Variants in NRXN3 observed in about 807,000 individuals in gnomAD.
The protein encoded by NRXN3 is neurexin III.
In NRXN3, 32 loss-of-function variants were observed where a neutral mutation model predicts 137.6. That is an observed-to-expected ratio of 0.23 (90% confidence interval 0.18 to 0.31). The LOEUF (loss-of-function observed/expected upper bound fraction) is 0.31. Among genes scored for constraint, NRXN3 ranks in the 10% least tolerant of loss-of-function variants. NRXN3 has a pLI of 1.00. For synonymous variants in NRXN3, 798 were observed against 784.5 expected (o/e 1.02, Z -0.29); for missense variants, 1,574 against 2,062.5 (o/e 0.76, Z 4.59).
intron 16 of NRXN3, among the ~76,000 whole-genome samples, chr14:79,484,221 AG>A (rs2096635039): frequency 6.6e-6 from 1 of 152,126 alleles, no homozygotes; most frequent in Non-Finnish European, 1.5e-5. Context: ...GCAGAAACAA[AG>A]GCTTTTCTTT....
chr14:79,362,519 GA>G (rs1342535488), intron 15 of NRXN3, among the ~76,000 whole-genome samples: 8 of 152,042 alleles, frequency 5.3e-5, no homozygotes, highest in African/African-American at 1.7e-4. Flanking sequence ...AATTCTGCAG[GA>G]AAAAAACTGA....
intron 10 of NRXN3, among the ~76,000 whole-genome samples, chr14:78,915,068 A>G (rs899851776): frequency 1.3e-5 from 2 of 152,130 alleles, no homozygotes; most frequent in Non-Finnish European, 2.9e-5. Context: ...TTAATGGAAA[A>G]GGAAATCTCA....
intron 15 of NRXN3, among the ~76,000 whole-genome samples, chr14:79,161,217 A>T (rs1462827604): frequency 6.6e-6 from 1 of 151,858 alleles, no homozygotes; most frequent in Non-Finnish European, 1.5e-5. Flanking sequence ...AAGTGGGGAA[A>T]ATTTCAAAAT....
In NRXN3 at chr14:78,727,432, T is replaced by C. The variant is rs182364092; in HGVS notation, c.2044+12293T>C. Among the ~76,000 whole-genome samples, 519 of 152,294 alleles carry C rather than the reference T, an allele frequency of 3.4e-3. 3 individuals are homozygous for C. The highest frequency in any genetic ancestry group is 5.3e-3 in the Non-Finnish European group (363 of 68,014). On this transcript the variant is annotated intron_variant, in intron 8 of 20. Coordinates refer to ENST00000335750, the MANE Select transcript of NRXN3 (RefSeq NM_001330195.2). Reference sequence around the variant, plus strand: ...GGTGGTGGTGGGGTGAGTGCTTTTGTTAGTTTCTTATCCTGTAAAAATGCT... The same window carrying C: ...GGTGGTGGTGGGGTGAGTGCTTTTGCTAGTTTCTTATCCTGTAAAAATGCT...
chr14:78,327,958 C>A (rs903477169), intron 4 of NRXN3, among the ~76,000 whole-genome samples: 2 of 121,422 alleles, frequency 1.6e-5, no homozygotes, highest in African/African-American at 6.3e-5. Flanking sequence ...ACATCAGCAA[C>A]AATGTGTATG....
chr14:79,548,752 AAAAAAAAAAC>A lies in NRXN3; in HGVS notation c.3444+81359_3444+81368del, dbSNP rs1357965987. Among the ~76,000 whole-genome samples, 129 of 152,000 alleles carry A rather than the reference AAAAAAAAAAC, an allele frequency of 8.5e-4. 1 individual carries two copies. The highest frequency in any genetic ancestry group is 3.1e-3 in the African/African-American group (127 of 41,436). On this transcript the variant is annotated intron_variant, in intron 16 of 20. Transcript: ENST00000335750. Reference sequence around the variant, plus strand: ...GATACAGTACATTTAAAGATTAAAAAAAAAAAAAACAAAAAAAATCATGTTCCCTAAACAC... The same window carrying A: ...GATACAGTACATTTAAAGATTAAAAAAAAAAAAATCATGTTCCCTAAACAC...
intron 15 of NRXN3, among the ~76,000 whole-genome samples, chr14:79,039,722 T>C (rs2099622048): frequency 1.3e-5 from 2 of 152,164 alleles, no homozygotes; most frequent in Non-Finnish European, 2.9e-5. Context: ...GGTCTTGCTC[T>C]GTTGCCCAGG....
At position 78,904,564 on chromosome 14, in the gene NRXN3, A is replaced by G. The variant is rs145120164; in HGVS notation, c.2276-52678A>G. ...GATGATTTCCAAAAATCAAATACAG[A>G]TGATTTCTAGAGAGAACCTCAACCT... On this transcript the variant is annotated intron_variant, in intron 10 of 20. Transcript: ENST00000335750. 8.5e-5 allele frequency among the ~76,000 whole-genome samples: 13 copies of G among 152,222 alleles called. 1 individual carries two copies. The highest frequency in any genetic ancestry group is 1.2e-4 in the Non-Finnish European group (8 of 67,996).
intron 4 of NRXN3, among the ~76,000 whole-genome samples, chr14:78,435,817 C>T (rs1020855908): frequency 6.6e-6 from 1 of 152,260 alleles, no homozygotes; most frequent in Non-Finnish European, 1.5e-5. Context: ...CACAACATCA[C>T]ATTTGCTTCT....
chr14:78,645,430 T>C lies in NRXN3; in HGVS notation c.1059+9T>C, dbSNP rs903171332. ...CACGCAACCTCCGGCAGGTAATGGC[T>C]GAGGGGAGAGAATTCCTGGAAGGCT... On this transcript the variant is annotated intron_variant, in intron 5 of 20. Coordinates refer to ENST00000335750, the MANE Select transcript of NRXN3 (RefSeq NM_001330195.2). 6.4e-7 allele frequency: 1 copy of C among 1,562,456 alleles called. No homozygotes were observed. The highest frequency in any genetic ancestry group is 8.6e-7 in the Non-Finnish European group (1 of 1,159,582).
chr14:78,724,929 C>A (rs1445178679), intron 8 of NRXN3, among the ~76,000 whole-genome samples: 2 of 152,202 alleles, frequency 1.3e-5, no homozygotes, highest in Non-Finnish European at 2.9e-5. Flanking sequence ...ATGAGTGGCT[C>A]TTGAAAGACC....
At chr14:79,691,178 G>T (rs749837526) in intron 17 of NRXN3, among the ~76,000 whole-genome samples, 1 of 152,028 alleles carries the variant, frequency 6.6e-6, no homozygotes, top group Admixed American at 6.6e-5. Context: ...AAACCATTCA[G>T]CAGTGTTAAT....
At chr14:79,611,143 G>A (rs1489150582) in intron 16 of NRXN3, among the ~76,000 whole-genome samples, 1 of 152,316 alleles carries the variant, frequency 6.6e-6, no homozygotes, top group South Asian at 2.1e-4. Flanking sequence ...TTTAAAAAGT[G>A]AAGGAGCAAC....
At chr14:79,073,607 C>T (rs2099691216) in intron 15 of NRXN3, among the ~76,000 whole-genome samples, 2 of 152,176 alleles carry the variant, frequency 1.3e-5, no homozygotes, top group South Asian at 4.1e-4. Flanking sequence ...CTTTGCAATA[C>T]AGTGTGTTAA....
At chr14:79,082,904 C>T (rs115326997) in intron 15 of NRXN3, among the ~76,000 whole-genome samples, 2,362 of 152,278 alleles carry the variant, frequency 0.016, 50 homozygotes, top group African/African-American at 0.042. Context: ...CATCATCTCT[C>T]TTGTATATTC....
intron 6 of NRXN3, among the ~76,000 whole-genome samples, chr14:78,696,703 TC>T (rs1471437417): frequency 6.6e-6 from 1 of 152,066 alleles, no homozygotes; most frequent in East Asian, 1.9e-4. Context: ...ATATCTCCTG[TC>T]CAGGTGAATT....
At chr14:78,902,031 G>A (rs766472257) in intron 10 of NRXN3, among the ~76,000 whole-genome samples, 1 of 152,062 alleles carries the variant, frequency 6.6e-6, no homozygotes, top group Non-Finnish European at 1.5e-5. Context: ...CAGCATGAAG[G>A]CCAGGCATCA....
intron 10 of NRXN3, among the ~76,000 whole-genome samples, chr14:78,923,054 T>A (rs537866902): frequency 6.6e-6 from 1 of 152,086 alleles, no homozygotes; most frequent in Non-Finnish European, 1.5e-5. Context: ...CTATGTAGTA[T>A]GTGACTTTCT....
At chr14:79,426,534 T>C (rs2095657341) in intron 15 of NRXN3, among the ~76,000 whole-genome samples, 1 of 152,258 alleles carries the variant, frequency 6.6e-6, no homozygotes, top group Admixed American at 6.5e-5. Flanking sequence ...GCCAAAGCTC[T>C]ATTGATCTTG....
Sources: gnomAD v4.1 joint callset for allele counts (sites outside exome capture counted in the v4.1 genomes callset) on GRCh38, gnomAD v4.1.1 for gene constraint, MANE v1.5 for transcripts, NCBI Gene and HGNC (gene_info 2026-07-23, HGNC 2026-07-21) for gene names.